The following STXBP3 variants were observed in gnomAD, a reference collection of about 807,000 sequenced individuals.
The protein encoded by STXBP3 is syntaxin binding protein 3.
STXBP3 carries 41 observed loss-of-function variants against 85.7 expected under a neutral mutation model. That is an observed-to-expected ratio of 0.48 (90% confidence interval 0.37 to 0.62). STXBP3 has a LOEUF of 0.62. Among genes scored for constraint, STXBP3 ranks in the 20% least tolerant of loss-of-function variants. The pLI, the probability that STXBP3 is intolerant of heterozygous loss-of-function variation, is 0.00. For synonymous variants in STXBP3, 229 were observed against 231.7 expected, an observed-to-expected ratio of 0.99 and a Z score of 0.10; for missense variants, 563 against 703.1, an observed-to-expected ratio of 0.80 and a Z score of 2.25.
intron 6 of STXBP3, among the ~76,000 whole-genome samples, chr1:108,761,622 A>G (rs1453559266): frequency 6.6e-6 from 1 of 152,120 alleles, no homozygotes; most frequent in Non-Finnish European, 1.5e-5. Flanking sequence ...CCATCTGTGA[A>G]TGGTTTTCCT....
chr1:108,779,036 T>C (rs946593874), intron 8 of STXBP3, among the ~76,000 whole-genome samples: 1 of 152,222 alleles, frequency 6.6e-6, no homozygotes, highest in Non-Finnish European at 1.5e-5. Context: ...CTTACTCTAA[T>C]TACAAAAGTA....
At chr1:108,794,453 G>C (rs757510206) in intron 12 of STXBP3, among the ~76,000 whole-genome samples, 34 of 152,320 alleles carry the variant, frequency 2.2e-4, no homozygotes, top group Non-Finnish European at 4.9e-4. Context: ...GGAGGGAGAA[G>C]TACAAGCAGG....
At chr1:108,794,358 T>TC (rs1379646914) in intron 12 of STXBP3, among the ~76,000 whole-genome samples, 1 of 152,160 alleles carries the variant, frequency 6.6e-6, no homozygotes, top group Non-Finnish European at 1.5e-5. Context: ...GACTCACAGA[T>TC]CTACATGGCT....
intron 17 of STXBP3, 133 bp downstream of exon 17, chr1:108,800,438 G>C: frequency 1.7e-6 from 1 of 583,354 alleles, no homozygotes. Flanking sequence ...ACTGTAACTT[G>C]TTTTAAATGA....
intron 7 of STXBP3, among the ~76,000 whole-genome samples, chr1:108,775,593 C>A (rs1662569987): frequency 4.6e-5 from 7 of 152,050 alleles, no homozygotes; most frequent in Admixed American, 4.6e-4. Context: ...TGGTAACCAT[C>A]TTTCTACTTT....
At position 108,767,114 on chromosome 1, in the gene STXBP3, A is replaced by G. The variant is rs576766588; in HGVS notation, c.439-5551A>G. 1.5e-5 allele frequency: 5 copies of G among 324,044 alleles called. No individual in the cohort carries two copies. The Admixed American group carries it at 2.1e-4, about 14-fold the overall frequency. 20.1% of individuals were successfully genotyped at this position (324,044 alleles called of 1,614,324 possible). A position where few individuals can be genotyped will look rare whatever the true frequency, so the allele number is the denominator to read the frequency against. On this transcript the variant is annotated intron_variant, in intron 6 of 18. Transcript: ENST00000370008. ...CTGGCTTCTCCTCCCTCTGCTGTTC[A>G]CCTACAACAACTTGGACATAGGACT...
chr1:108,799,514 C>T (rs1663188557), intron 16 of STXBP3, among the ~76,000 whole-genome samples: 1 of 152,122 alleles, frequency 6.6e-6, no homozygotes, highest in African/African-American at 2.4e-5. Flanking sequence ...AACTTGATTT[C>T]CTCCCTTCTT....
In STXBP3 at chr1:108,756,672, G is replaced by C; in HGVS notation, c.182-18G>C. On this transcript the variant is annotated intron_variant, in intron 3 of 18. Coordinates refer to ENST00000370008, the MANE Select transcript of STXBP3 (RefSeq NM_007269.4). Reference sequence around the variant, plus strand: ...ATATAAATATTTGGTTATATAAAATGACCTTTTTTCTTGTTAGTTGTAGAG... The same window carrying C: ...ATATAAATATTTGGTTATATAAAATCACCTTTTTTCTTGTTAGTTGTAGAG... The C allele has an allele frequency of 6.8e-7, 1 of 1,478,910 alleles. No individual in the cohort carries two copies. The highest frequency in any genetic ancestry group is 9.1e-7 in the Non-Finnish European group (1 of 1,101,856). 91.6% of individuals were successfully genotyped at this position (1,478,910 alleles called of 1,614,324 possible).
intron 1 of STXBP3, among the ~76,000 whole-genome samples, chr1:108,748,980 A>AG (rs1315478900): frequency 6.6e-6 from 1 of 152,220 alleles, no homozygotes; most frequent in Non-Finnish European, 1.5e-5. Flanking sequence ...GGGAATTTCG[A>AG]GGTGTGTATT....
intron 9 of STXBP3, 37 bp downstream of exon 9, chr1:108,779,447 C>T: frequency 1.3e-6 from 2 of 1,582,214 alleles, no homozygotes; most frequent in East Asian, 2.3e-5. Flanking sequence ...AGGGCATATA[C>T]AAACAGGATA....
intron 11 of STXBP3, among the ~76,000 whole-genome samples, chr1:108,788,790 G>C (rs531398532): frequency 1.3e-5 from 2 of 152,048 alleles, no homozygotes; most frequent in African/African-American, 4.8e-5. Flanking sequence ...GTCCGGGCAC[G>C]GTGGCTCACG....
At chr1:108,768,276 T>C (rs1662311405) in intron 6 of STXBP3, among the ~76,000 whole-genome samples, 1 of 152,100 alleles carries the variant, frequency 6.6e-6, no homozygotes, top group Non-Finnish European at 1.5e-5. Flanking sequence ...TTGTTAGGTT[T>C]TGTTTGTATT....
At chr1:108,793,774 A>C in intron 12 of STXBP3, 127 bp downstream of exon 12, 1 of 667,262 alleles carries the variant, frequency 1.5e-6, no homozygotes, top group Non-Finnish European at 2.4e-6. Flanking sequence ...CTAAAACCTT[A>C]CTATAGGTCT....
intron 11 of STXBP3, among the ~76,000 whole-genome samples, chr1:108,786,102 A>G (rs766928322): frequency 1.3e-5 from 2 of 152,156 alleles, no homozygotes; most frequent in Non-Finnish European, 2.9e-5. Flanking sequence ...GTATTAGTCC[A>G]TTCTCACGCT....
intron 11 of STXBP3, among the ~76,000 whole-genome samples, chr1:108,786,819 A>C (rs1003024606): frequency 5.3e-5 from 8 of 152,206 alleles, no homozygotes; most frequent in Admixed American, 1.3e-4. Flanking sequence ...GAAACATTTA[A>C]CTGAAATTTT....
chr1:108,806,975 C>T (rs987693838), intron 17 of STXBP3, among the ~76,000 whole-genome samples: 4 of 152,026 alleles, frequency 2.6e-5, no homozygotes, highest in African/African-American at 9.7e-5. Context: ...GTAATTGGGC[C>T]GGGCGCGGTG....
intron 7 of STXBP3, among the ~76,000 whole-genome samples, chr1:108,773,835 C>CT (rs909853525): frequency 5.3e-5 from 8 of 150,078 alleles, no homozygotes; most frequent in African/African-American, 1.2e-4. Context: ...AGCCAGGAAT[C>CT]TTTTTTTTTT....
intron 3 of STXBP3, 56 bp downstream of exon 3, chr1:108,753,200 G>T (rs116100581): frequency 7.7e-7 from 1 of 1,296,288 alleles, no homozygotes; most frequent in Admixed American, 2.7e-5. Flanking sequence ...GAGATCTGAG[G>T]TATTAAATTT....
At position 108,796,342 on chromosome 1, in the gene STXBP3, G is replaced by A. The variant is rs752554683; in HGVS notation, c.1219G>A (p.Ala407Thr). Residue 407 changes from alanine (A) to threonine (T), a missense_variant, in exon 14 of 19, where the codon GCA becomes ACA. By Grantham distance (58) the Ala-to-Thr change is moderately conservative (BLOSUM62 0). This residue lies in a region of STXBP3 where 494 missense variants were observed against 592.8 expected (regional missense o/e 0.83). Coordinates refer to ENST00000370008, the MANE Select transcript of STXBP3 (RefSeq NM_007269.4). ...KNHDNCDKIR[A>T]ILLYIFSING... ...TCATGATAATTGTGATAAAATAAGA[G>A]CAATTCTACTTTATATCTTCAGTAT... The A allele has an allele frequency of 1.9e-6, 3 of 1,569,072 alleles. No individual in the cohort carries two copies. The highest frequency in any genetic ancestry group is 2.7e-5 in the African/African-American group (2 of 73,982).
Sources: allele counts gnomAD v4.1 joint callset (sites outside exome capture counted in the v4.1 genomes callset), GRCh38; gene constraint gnomAD v4.1.1; regional missense constraint gnomAD v4.1.1; transcripts MANE v1.5; gene names NCBI Gene and HGNC (gene_info 2026-07-23, HGNC 2026-07-21).